Variants in PCDHA8 observed in about 807,000 individuals in gnomAD.
The protein encoded by PCDHA8 is protocadherin alpha-8.
PCDHA8 carries 53 observed loss-of-function variants against 61.8 expected under a neutral mutation model. That is an observed-to-expected ratio of 0.86 (90% CI 0.69 to 1.08). PCDHA8 has a LOEUF of 1.08. PCDHA8 is among the 50% of genes least tolerant of loss of function. The pLI is 0.00. For missense variants in PCDHA8, 1,293 were observed against 1,245.0 expected (o/e 1.04, Z -0.58); for synonymous variants, 618 against 556.6 (o/e 1.11, Z -1.55).
At chr5:140,996,947 T>C (rs1224598113) in intron 3 of PCDHA8, among the ~76,000 whole-genome samples, 2 of 152,176 alleles carry the variant, frequency 1.3e-5, no homozygotes, top group Non-Finnish European at 2.9e-5. Context: ...CATAGAAATA[T>C]TTATTTCCCT....
intron 1 of PCDHA8, chr5:140,866,026 C>T (rs1273078600): frequency 7.9e-5 from 12 of 151,914 alleles, no homozygotes; most frequent in Admixed American, 4.6e-4. Context: ...TGTAAGAGTT[C>T]GTGATCATCA....
intron 1 of PCDHA8, among the ~76,000 whole-genome samples, chr5:140,947,506 A>C (rs1034178009): frequency 6.6e-6 from 1 of 151,700 alleles, no homozygotes; most frequent in Non-Finnish European, 1.5e-5. Flanking sequence ...TTAAATTTTC[A>C]TATAAATTTT....
intron 1 of PCDHA8, among the ~76,000 whole-genome samples, chr5:140,947,946 C>T (rs1396530064): frequency 2.0e-5 from 3 of 151,452 alleles, no homozygotes; most frequent in African/African-American, 7.3e-5. Flanking sequence ...AAAAGTGTTC[C>T]ATATTTTACA....
intron 1 of PCDHA8, chr5:140,966,879 GC>G: frequency 1.3e-6 from 2 of 1,587,514 alleles, no homozygotes; most frequent in Non-Finnish European, 1.7e-6. Flanking sequence ...CTGCTACCTG[GC>G]CCTGCGGCCT....
At chr5:140,937,190 A>T (rs1255488487) in intron 1 of PCDHA8, among the ~76,000 whole-genome samples, 1 of 151,824 alleles carries the variant, frequency 6.6e-6, no homozygotes, top group East Asian at 2.0e-4. Context: ...GGCGCCCGCC[A>T]CCATGCCCGG....
chr5:140,856,920 A>T (rs1554149295), intron 1 of PCDHA8: 1 of 1,595,604 alleles, frequency 6.3e-7, no homozygotes, highest in Admixed American at 1.7e-5. Flanking sequence ...ATAAGAAGGA[A>T]ATTTTGGATA....
At chr5:140,937,284 G>A (rs1473374286) in intron 1 of PCDHA8, among the ~76,000 whole-genome samples, 2 of 151,964 alleles carry the variant, frequency 1.3e-5, no homozygotes, top group South Asian at 2.1e-4. Context: ...TGATTCACCC[G>A]CTTCGGCCTC....
At position 140,863,735 on chromosome 5, in the gene PCDHA8, C is replaced by T. The variant is rs189909313; in HGVS notation, c.2394+20020C>T. On this transcript the variant is annotated intron_variant, in intron 1 of 3. Transcript: ENST00000531613. ...TGGGGCCGGGTGCGGTAGCTCATGC[C>T]TATTTGTAATCCCGGCACTTTGGGA... The T allele has an allele frequency of 4.8e-3, 1,219 of 255,524 alleles. 5 individuals are homozygous for T. Among genetic ancestry groups the T allele is most frequent in the Non-Finnish European group, 6.2e-3 (808 of 129,746 alleles). The allele number at this position is 255,524 out of a possible 1,614,324, so 15.8% of individuals were successfully genotyped here. A position where few individuals can be genotyped will look rare whatever the true frequency, so the allele number is the denominator to read the frequency against.
At chr5:140,980,354 G>A (rs1387213682) in intron 2 of PCDHA8, among the ~76,000 whole-genome samples, 1 of 152,138 alleles carries the variant, frequency 6.6e-6, no homozygotes, top group Non-Finnish European at 1.5e-5. Flanking sequence ...TTCCTGGACT[G>A]GGCGCGGTGG....
chr5:140,851,798 T>C lies in PCDHA8; in HGVS notation c.2394+8083T>C. On this transcript the variant is annotated intron_variant, in intron 1 of 3. Coordinates refer to ENST00000531613, the MANE Select transcript of PCDHA8 (RefSeq NM_018911.3). ...TTTAGATGAGAATTCACTTGTTCTGTCAGTAATCCATAAGACAGAAATCTG... is the reference window on the plus strand; with the variant it reads ...TTTAGATGAGAATTCACTTGTTCTGCCAGTAATCCATAAGACAGAAATCTG... 3 of 953,066 alleles carry C rather than the reference T, an allele frequency of 3.1e-6. No individual in the cohort carries two copies. The South Asian group carries it at 1.5e-4, about 46-fold the overall frequency. 59.0% of individuals were successfully genotyped at this position (953,066 alleles called of 1,614,324 possible). A position where few individuals can be genotyped will look rare whatever the true frequency, so the allele number is the denominator to read the frequency against.
Position 140,967,394 on chromosome 5 carries a change from G to C in PCDHA8, c.2395-11555G>C, listed in dbSNP as rs1379450273. On this transcript the variant is annotated intron_variant, in intron 1 of 3. Coordinates refer to ENST00000531613, the MANE Select transcript of PCDHA8 (RefSeq NM_018911.3). ...GGAGAACAGTAAAGTGCTTGAGCTGGTGCTGCGTAAGGGCCTAGACCGGGA... is the reference window on the plus strand; with the variant it reads ...GGAGAACAGTAAAGTGCTTGAGCTGCTGCTGCGTAAGGGCCTAGACCGGGA... 4 of 1,609,940 alleles carry C rather than the reference G, an allele frequency of 2.5e-6. No homozygotes were observed. In the African/African-American group the frequency reaches 4.0e-5, roughly 16 times the overall value.
chr5:140,989,528 G>A (rs1451731382), intron 3 of PCDHA8, among the ~76,000 whole-genome samples: 2 of 152,178 alleles, frequency 1.3e-5, no homozygotes, highest in African/African-American at 4.8e-5. Context: ...GGCAGAGGAG[G>A]AAGATAGTTT....
At position 140,869,155 on chromosome 5, in the gene PCDHA8, C is replaced by G. The variant is rs74664704; in HGVS notation, c.2394+25440C>G. On this transcript the variant is annotated intron_variant, in intron 1 of 3. Transcript: ENST00000531613. The stretch of plus-strand genomic sequence containing the variant: ...GGGCACCCCACGACTACAGCTCTGG[C>G]TTCTCCTCCTCGAATTCTGGGAGGT... 3.7e-4 allele frequency: 593 copies of G among 1,613,808 alleles called. 1 individual carries two copies. In the African/African-American group the frequency reaches 7.1e-3, roughly 19 times the overall value.
intron 1 of PCDHA8, among the ~76,000 whole-genome samples, chr5:140,910,668 C>G (rs2075124281): frequency 6.6e-6 from 1 of 152,172 alleles, no homozygotes; most frequent in Admixed American, 6.5e-5. Flanking sequence ...TACATTAAAC[C>G]AAGGGAGATC....
chr5:140,882,374 C>G, intron 1 of PCDHA8: 1 of 1,614,186 alleles, frequency 6.2e-7, no homozygotes, highest in Non-Finnish European at 8.5e-7. Context: ...CTACTCCGTC[C>G]CCGAGGAAGC....
chr5:140,899,407 T>C (rs1183210224), intron 1 of PCDHA8, among the ~76,000 whole-genome samples: 2 of 152,226 alleles, frequency 1.3e-5, no homozygotes, highest in Non-Finnish European at 2.9e-5. Context: ...TGAAGGGTTG[T>C]TGAATTTTGT....
intron 1 of PCDHA8, among the ~76,000 whole-genome samples, chr5:140,906,204 C>A (rs2072457750): frequency 6.6e-6 from 1 of 152,192 alleles, no homozygotes. Context: ...AGTTGACACT[C>A]AGTATTAACC....
At chr5:140,859,490 G>A (rs2045887766) in intron 1 of PCDHA8, 1 of 204,502 alleles carries the variant, frequency 4.9e-6, no homozygotes, top group Non-Finnish European at 9.6e-6. Context: ...CCTGAAATTG[G>A]TTGTTACCTG....
intron 1 of PCDHA8, among the ~76,000 whole-genome samples, chr5:140,908,393 A>G (rs1295544122): frequency 2.0e-5 from 3 of 152,132 alleles, no homozygotes; most frequent in Non-Finnish European, 4.4e-5. Context: ...CCGATCACAT[A>G]TATACCACTT....
Sources: gnomAD v4.1 joint callset for allele counts (sites outside exome capture counted in the v4.1 genomes callset) on GRCh38, gnomAD v4.1.1 for gene constraint, MANE v1.5 for transcripts, NCBI Gene and HGNC (gene_info 2026-07-23, HGNC 2026-07-21) for gene names.